Variants in DCP2 observed in about 807,000 individuals in gnomAD.
DCP2 encodes m7GpppN-mRNA hydrolase.
A neutral mutation model predicts 56.1 loss-of-function variants in DCP2; 30 were observed. The observed-to-expected ratio is 0.53, with a 90% CI of 0.40 to 0.73. The LOEUF is 0.73. Ranked by LOEUF, DCP2 falls within the 30% of genes least tolerant of loss-of-function variation. The probability of loss-of-function intolerance (pLI) is 0.00; values close to 1 mark genes in which losing one functional copy is unlikely to be tolerated. For synonymous variants in DCP2, 197 were observed against 163.3 expected (o/e 1.21, Z -1.57); for missense variants, 533 against 502.7 (o/e 1.06, Z -0.58).
Position 113,005,930 on chromosome 5 carries a change from C to G in DCP2, c.942+1853C>G, listed in dbSNP as rs373115853. Among the ~76,000 whole-genome samples the G allele has an allele frequency of 4.0e-5, 6 of 151,892 alleles. No individual in the cohort carries two copies. The South Asian group carries it at 8.3e-4, about 21-fold the overall frequency. On this transcript the variant is annotated intron_variant, in intron 8 of 10. Coordinates refer to ENST00000389063, the MANE Select transcript of DCP2 (RefSeq NM_152624.6). ...GGCGGATTATTTGAGCCCAGTAGTTCGAGACCCACCTGGGCAGCATGTCTC... is the reference window on the plus strand; with the variant it reads ...GGCGGATTATTTGAGCCCAGTAGTTGGAGACCCACCTGGGCAGCATGTCTC...
At chr5:113,008,805 T>C (rs978184606) in intron 9 of DCP2, among the ~76,000 whole-genome samples, 2 of 152,124 alleles carry the variant, frequency 1.3e-5, no homozygotes, top group African/African-American at 2.4e-5. Context: ...AAAAGGCTTT[T>C]AATAAAATTC....
intron 2 of DCP2, among the ~76,000 whole-genome samples, chr5:112,989,032 C>G (rs1283757738): frequency 2.0e-5 from 3 of 152,170 alleles, no homozygotes; most frequent in Non-Finnish European, 4.4e-5. Flanking sequence ...TGGTACACTT[C>G]ATTAAGTAAC....
chr5:113,004,189 T>A (rs1749308528), intron 8 of DCP2, 112 bp downstream of exon 8: 4 of 1,225,314 alleles, frequency 3.3e-6, no homozygotes, highest in Non-Finnish European at 4.5e-6. Flanking sequence ...GAGTTACTGA[T>A]CAAAGCCTGT....
rs1749767280 is a variant in DCP2 at position 113,013,554 on chromosome 5, C to G, written c.*70C>G. On this transcript the variant is annotated 3_prime_UTR_variant, in exon 11 of 11. Coordinates refer to ENST00000389063, the MANE Select transcript of DCP2 (RefSeq NM_152624.6). ...GAATTTGAGTGGGTGTCTCCTCAAG[C>G]CTTACCTTTCTCAGGTGTTTTAAAG... The G allele has an allele frequency of 5.8e-6, 9 of 1,540,220 alleles. No individual in the cohort carries two copies. In the Admixed American group the frequency reaches 1.5e-4, roughly 25 times the overall value.
rs189552966 is a variant in DCP2, at chr5:112,977,749, A to G, written c.53+763A>G. 2.6e-5 allele frequency among the ~76,000 whole-genome samples: 4 copies of G among 152,324 alleles called. No homozygotes were observed. The East Asian group carries it at 7.7e-4, about 29-fold the overall frequency. On this transcript the variant is annotated intron_variant, in intron 1 of 10. Coordinates refer to ENST00000389063, the MANE Select transcript of DCP2 (RefSeq NM_152624.6). ...CCAAACACGTGTAGGATACTTAAAA[A>G]TGCTTATTTTCCGAAGGTAAAATTT... is the stretch of plus-strand genomic sequence containing the variant.
intron 9 of DCP2, among the ~76,000 whole-genome samples, chr5:113,008,541 C>A (rs1749544295): frequency 6.6e-6 from 1 of 152,150 alleles, no homozygotes. Context: ...AACTCACAGT[C>A]TCCTGCGTTA....
rs1276675665 is a variant in DCP2 at position 113,018,845 on chromosome 5, G to T, written c.*5361G>T. On this transcript the variant is annotated 3_prime_UTR_variant, in exon 11 of 11. Transcript: ENST00000389063. ...TGTTTCACATCTTTATAGCAAACCT[G>T]CCACAGACTTGCAAGCAGTGATTTT... 1 of 152,084 alleles carries T rather than the reference G, an allele frequency of 6.6e-6. No individual in the cohort carries two copies. Among genetic ancestry groups the T allele is most frequent in the Non-Finnish European group, 1.5e-5 (1 of 68,034 alleles). The allele number at this position is 152,084 out of a possible 1,614,324, so 9.4% of individuals were successfully genotyped here.
rs532137965 is a variant in DCP2 at position 113,003,821 on chromosome 5, C to G, written c.807-121C>G. On this transcript the variant is annotated intron_variant, in intron 7 of 10. Coordinates refer to ENST00000389063, the MANE Select transcript of DCP2 (RefSeq NM_152624.6). Reference sequence around the variant, plus strand: ...TCTCTGCTCTCATAGAACTTACATTCCAGTGGGGAAGATAGACAGTAAATA... The same window carrying G: ...TCTCTGCTCTCATAGAACTTACATTGCAGTGGGGAAGATAGACAGTAAATA... 9.4e-5 allele frequency: 106 copies of G among 1,132,778 alleles called. No homozygotes were observed. The African/African-American group carries it at 1.4e-3, about 15-fold the overall frequency. The allele number at this position is 1,132,778 out of a possible 1,614,324, so 70.2% of individuals were successfully genotyped here.
chr5:113,012,985 C>T (rs1211592305), intron 10 of DCP2, among the ~76,000 whole-genome samples: 9 of 152,174 alleles, frequency 5.9e-5, no homozygotes, highest in Admixed American at 5.2e-4. Flanking sequence ...TCTTGGTAAA[C>T]CCCAGCTTTA....
At chr5:113,006,991 A>C (rs1749468384) in intron 8 of DCP2, among the ~76,000 whole-genome samples, 1 of 152,056 alleles carries the variant, frequency 6.6e-6, no homozygotes, top group Non-Finnish European at 1.5e-5. Flanking sequence ...TACAAAAATT[A>C]GCCGGGCATG....
intron 2 of DCP2, among the ~76,000 whole-genome samples, chr5:112,989,408 A>G (rs553920396): frequency 3.3e-5 from 5 of 151,938 alleles, no homozygotes; most frequent in African/African-American, 9.7e-5. Context: ...TGTTAATGTA[A>G]TAAATGTTAA....
At chr5:113,013,173 A>G (rs1473585443) in intron 10 of DCP2, 148 bp from the exon 11 acceptor site, 2 of 672,210 alleles carry the variant, frequency 3.0e-6, no homozygotes, top group Non-Finnish European at 4.6e-6. Context: ...AAAGGAAAAT[A>G]CATATTTTGG....
chr5:113,010,675 A>G, intron 9 of DCP2, 81 bp from the exon 10 acceptor site: 2 of 1,394,094 alleles, frequency 1.4e-6, no homozygotes, highest in Non-Finnish European at 1.9e-6. Context: ...TTGATAATAC[A>G]TCTTTTGATT....
rs139238052 is a variant in DCP2 at position 112,989,205 on chromosome 5, C to A, written c.206-2916C>A. Among the ~76,000 whole-genome samples, 9 of 152,196 alleles carry A rather than the reference C, an allele frequency of 5.9e-5. No homozygotes were observed. In the East Asian group the frequency reaches 1.5e-3, roughly 26 times the overall value. ...GGAACAGAAGAGGGATACCCACTTACGATTTGGAGGCTGTGAGTTTGATTC... is the reference window on the plus strand; with the variant it reads ...GGAACAGAAGAGGGATACCCACTTAAGATTTGGAGGCTGTGAGTTTGATTC... On this transcript the variant is annotated intron_variant, in intron 2 of 10. Transcript: ENST00000389063.
At chr5:113,009,995 C>T (rs1403571271) in intron 9 of DCP2, among the ~76,000 whole-genome samples, 1 of 146,524 alleles carries the variant, frequency 6.8e-6, no homozygotes, top group Admixed American at 6.8e-5. Context: ...TTACTGTAGC[C>T]TTGAACTTCT....
At chr5:112,977,017 C>T (rs745353387) in intron 1 of DCP2, 31 bp downstream of exon 1, 9 of 1,472,994 alleles carry the variant, frequency 6.1e-6, no homozygotes, top group South Asian at 2.7e-5. Flanking sequence ...CTTTCGCCCC[C>T]GTCGGGTTTT....
rs1313403134 is a variant in DCP2, at chr5:113,022,078, C to G, written c.*8594C>G. On this transcript the variant is annotated 3_prime_UTR_variant, in exon 11 of 11. Transcript: ENST00000389063. The stretch of plus-strand genomic sequence containing the variant: ...AGTTCTACAGAAGGATAGCCTTACC[C>G]TTTAAATAACACAGTTAAGGTACAC... 5 of 152,236 alleles carry G rather than the reference C, an allele frequency of 3.3e-5. No homozygotes were observed. Among genetic ancestry groups the G allele is most frequent in the Admixed American group, 6.5e-5 (1 of 15,270 alleles). The allele number at this position is 152,236 out of a possible 1,614,324, so 9.4% of individuals were successfully genotyped here. A position where few individuals can be genotyped will look rare whatever the true frequency, so the allele number is the denominator to read the frequency against.
At chr5:112,984,703 A>AATATATATATATATATATATATAT (rs57159758) in intron 1 of DCP2, 50 of 64,840 alleles carry the variant, frequency 7.7e-4, no homozygotes, top group Non-Finnish European at 1.1e-3. Flanking sequence ...AAAAAAAAAA[A>AATATATATATATATATATATATAT]ATATATATAT....
chr5:113,013,341 A>G lies in DCP2; in HGVS notation c.1120A>G (p.Ser374Gly). The change falls in exon 11 of 11, where the codon AGC becomes GGC. Residue 374 changes from serine to glycine, a missense_variant. This residue lies in a region of DCP2 where 392 missense variants were observed against 346.6 expected (regional missense o/e 1.13). Coordinates refer to ENST00000389063, the MANE Select transcript of DCP2 (RefSeq NM_152624.6). ...FETDAVYDLP[S>G]SSEDQLLEHA... ...AACAGATGCTGTATATGACTTGCCT[A>G]GCTCCAGTGAAGACCAGTTGCTAGA... The G allele has an allele frequency of 1.2e-6, 2 of 1,614,044 alleles. No homozygotes were observed. The highest frequency in any genetic ancestry group is 8.5e-7 in the Non-Finnish European group (1 of 1,179,944).
Sources: allele counts gnomAD v4.1 joint callset (sites outside exome capture counted in the v4.1 genomes callset), GRCh38; gene constraint gnomAD v4.1.1; regional missense constraint gnomAD v4.1.1; transcripts MANE v1.5; gene names NCBI Gene and HGNC (gene_info 2026-07-23, HGNC 2026-07-21).